Variants in MARCHF1 observed in about 807,000 individuals in gnomAD.
The protein encoded by MARCHF1 is E3 ubiquitin-protein ligase MARCHF1.
In MARCHF1, 40 loss-of-function variants were observed where a neutral mutation model predicts 54.2. The ratio of observed to expected loss-of-function variants is 0.74; its 90% CI spans 0.57 to 0.96. MARCHF1 has a LOEUF of 0.96. Among genes scored for constraint, MARCHF1 ranks in the 40% least tolerant of loss-of-function variants. The pLI is 0.00. For synonymous variants in MARCHF1, 236 were observed against 236.3 expected (o/e 1.00, Z 0.01); for missense variants, 586 against 656.5 (o/e 0.89, Z 1.17).
At chr4:164,165,620 T>A (rs943611315) in intron 1 of MARCHF1, among the ~76,000 whole-genome samples, 1 of 151,956 alleles carries the variant, frequency 6.6e-6, no homozygotes, top group African/African-American at 2.4e-5. Flanking sequence ...TTCTATTAAG[T>A]AGTTGGTGCC....
chr4:163,638,090 T>G (rs867581147), intron 5 of MARCHF1, among the ~76,000 whole-genome samples: 6 of 95,224 alleles, frequency 6.3e-5, no homozygotes, highest in African/African-American at 1.7e-4. Context: ...TGGGGACTGT[T>G]GTGGGGTGGG....
intron 1 of MARCHF1, among the ~76,000 whole-genome samples, chr4:164,255,932 T>A (rs1733268022): frequency 6.6e-6 from 1 of 152,066 alleles, no homozygotes; most frequent in Non-Finnish European, 1.5e-5. Flanking sequence ...ATAAACCTTC[T>A]AATCAAACAT....
At chr4:163,573,727 G>A (rs9996813) in intron 8 of MARCHF1, among the ~76,000 whole-genome samples, 64,602 of 151,148 alleles carry the variant, frequency 0.43, 14,118 homozygotes, top group East Asian at 0.53. Context: ...GGACATTTGG[G>A]TTGGTCCCAA....
At chr4:163,657,457 T>G (rs1460765269) in intron 5 of MARCHF1, among the ~76,000 whole-genome samples, 1 of 152,014 alleles carries the variant, frequency 6.6e-6, no homozygotes, top group Non-Finnish European at 1.5e-5. Flanking sequence ...ATAGGAAGAA[T>G]CAATATCATT....
rs530746089 is a variant in MARCHF1, at chr4:163,835,682, G to A, written c.111+18339C>T. Among the ~76,000 whole-genome samples the A allele has an allele frequency of 3.3e-5, 5 of 152,212 alleles. No individual in the cohort carries two copies. The South Asian group carries it at 8.3e-4, about 25-fold the overall frequency. On this transcript the variant is annotated intron_variant, in intron 4 of 9. Transcript: ENST00000514618. The stretch of plus-strand genomic sequence containing the variant: ...TCTGGCTCCGGAGGCTGCCCAATTC[G>A]CGAATCGTTCATTGTTCAATTTAAC...
intron 4 of MARCHF1, among the ~76,000 whole-genome samples, chr4:163,764,303 A>G (rs1280104099): frequency 6.6e-6 from 1 of 152,082 alleles, no homozygotes; most frequent in Non-Finnish European, 1.5e-5. Flanking sequence ...CAGAAGAGCC[A>G]TTTAATAAGA....
chr4:163,791,751 G>C (rs1178545050), intron 4 of MARCHF1, among the ~76,000 whole-genome samples: 1 of 151,980 alleles, frequency 6.6e-6, no homozygotes, highest in African/African-American at 2.4e-5. Context: ...AATTACCTAT[G>C]AACAAATTAG....
chr4:164,271,944 A>T (rs1733754844), intron 1 of MARCHF1, among the ~76,000 whole-genome samples: 2 of 152,110 alleles, frequency 1.3e-5, no homozygotes, highest in South Asian at 4.1e-4. Flanking sequence ...CCAAAAATCA[A>T]CGGAAAAATA....
chr4:164,142,331 A>G (rs890875012), intron 1 of MARCHF1, among the ~76,000 whole-genome samples: 1 of 152,144 alleles, frequency 6.6e-6, no homozygotes, highest in Non-Finnish European at 1.5e-5. Flanking sequence ...CAGCTCAAGG[A>G]GGCCTGCCTG....
intron 2 of MARCHF1, among the ~76,000 whole-genome samples, chr4:164,026,585 C>G (rs1753772720): frequency 1.3e-5 from 2 of 152,014 alleles, no homozygotes; most frequent in Non-Finnish European, 2.9e-5. Context: ...AAAGGATCTA[C>G]TCAAAATAAT....
intron 1 of MARCHF1, among the ~76,000 whole-genome samples, chr4:164,249,161 C>G (rs924582255): frequency 1.3e-5 from 2 of 151,984 alleles, no homozygotes; most frequent in African/African-American, 4.8e-5. Flanking sequence ...ACAGATTCTG[C>G]CATCAAGGCT....
intron 1 of MARCHF1, among the ~76,000 whole-genome samples, chr4:164,140,852 T>A (rs546784169): frequency 1.3e-5 from 2 of 152,138 alleles, no homozygotes; most frequent in South Asian, 4.2e-4. Context: ...ACAAAGTACA[T>A]CTCTAACTAA....
chr4:163,845,459 T>TTACA (rs1304456372), intron 4 of MARCHF1, among the ~76,000 whole-genome samples: 2 of 78,014 alleles, frequency 2.6e-5, no homozygotes, highest in East Asian at 8.1e-4. Flanking sequence ...TGCACCTCAG[T>TTACA]TACACACACA....
chr4:164,372,664 G>A (rs1731068865), intron 1 of MARCHF1, among the ~76,000 whole-genome samples: 1 of 151,940 alleles, frequency 6.6e-6, no homozygotes, highest in Non-Finnish European at 1.5e-5. Flanking sequence ...TCAGATATGA[G>A]ATTGAATGTT....
chr4:164,187,074 AC>A (rs1275281218), intron 1 of MARCHF1, among the ~76,000 whole-genome samples: 1 of 151,882 alleles, frequency 6.6e-6, no homozygotes, highest in Non-Finnish European at 1.5e-5. Context: ...ATCTTGCTCA[AC>A]CCTCAACATC....
intron 3 of MARCHF1, among the ~76,000 whole-genome samples, chr4:163,885,094 C>T (rs763923810): frequency 6.6e-6 from 1 of 152,138 alleles, no homozygotes; most frequent in Non-Finnish European, 1.5e-5. Context: ...TGTGTATTTA[C>T]ATGCATGTAA....
chr4:164,123,678 G>T (rs946503231), intron 1 of MARCHF1, among the ~76,000 whole-genome samples: 1 of 152,076 alleles, frequency 6.6e-6, no homozygotes, highest in Non-Finnish European at 1.5e-5. Flanking sequence ...TGACAAAGAT[G>T]CCAAGAACAT....
At chr4:163,726,473 C>A (rs1011281895) in intron 4 of MARCHF1, among the ~76,000 whole-genome samples, 2 of 152,032 alleles carry the variant, frequency 1.3e-5, no homozygotes, top group African/African-American at 2.4e-5. Flanking sequence ...CTTAATATTC[C>A]ATTGTCTGGA....
intron 3 of MARCHF1, among the ~76,000 whole-genome samples, chr4:163,897,232 A>C (rs1433153750): frequency 6.6e-6 from 1 of 152,148 alleles, no homozygotes; most frequent in Non-Finnish European, 1.5e-5. Context: ...TTATTACCTC[A>C]AATATCTGAT....
Sources: gnomAD v4.1 joint callset for allele counts (sites outside exome capture counted in the v4.1 genomes callset) on GRCh38, gnomAD v4.1.1 for gene constraint, MANE v1.5 for transcripts, NCBI Gene and HGNC (gene_info 2026-07-23, HGNC 2026-07-21) for gene names.